The following MAP4 variants were observed in gnomAD, a reference collection of about 807,000 sequenced individuals.
The protein encoded by MAP4 is microtubule associated protein 4.
Under a neutral mutation model 170.2 loss-of-function variants are expected in MAP4, and 76 were observed. The observed-to-expected ratio is 0.45, with a 90% CI of 0.37 to 0.54. MAP4 has a LOEUF of 0.54. Ranked by LOEUF, MAP4 falls within the 20% of genes least tolerant of loss-of-function variation. The pLI is 0.00. For missense variants in MAP4, 2,506 were observed against 2,748.0 expected (o/e 0.91, Z 1.97); for synonymous variants, 909 against 994.5 (o/e 0.91, Z 1.62).
At chr3:47,989,978 C>T (rs1222400924) in intron 2 of MAP4, among the ~76,000 whole-genome samples, 1 of 152,078 alleles carries the variant, frequency 6.6e-6, no homozygotes, top group East Asian at 1.9e-4. Flanking sequence ...TTGATTCCCT[C>T]TCCCCAGGAG....
intron 3 of MAP4, among the ~76,000 whole-genome samples, chr3:47,950,518 G>A (rs1443010581): frequency 1.3e-5 from 2 of 152,064 alleles, no homozygotes; most frequent in Admixed American, 6.6e-5. Flanking sequence ...CATATAGCTG[G>A]AGGTGGCTCT....
intron 1 of MAP4, among the ~76,000 whole-genome samples, chr3:48,073,214 T>G (rs2100141859): frequency 6.9e-6 from 1 of 145,962 alleles, no homozygotes; most frequent in African/African-American, 2.5e-5. Flanking sequence ...TCTCAAAAAA[T>G]AATCATAATT....
Position 47,998,728 on chromosome 3 carries a change from T to G in MAP4, c.133A>C (p.Thr45Pro). The G allele has an allele frequency of 6.2e-7, 1 of 1,614,110 alleles. No homozygotes were observed. Among genetic ancestry groups the G allele is most frequent in the Non-Finnish European group, 8.5e-7 (1 of 1,179,986 alleles). Reference sequence around the variant, plus strand: ...ACATCCAGGAGAGGAATATAGTCTGTTTTTCCAACAGTTTCTCCCACAACA... The same window carrying G: ...ACATCCAGGAGAGGAATATAGTCTGGTTTTCCAACAGTTTCTCCCACAACA... Reference protein sequence around the residue: ...DDVVGETVGKTDYIPLLDVDE... With the variant: ...DDVVGETVGKPDYIPLLDVDE... The change falls in exon 2 of 21, where the codon ACA becomes CCA. Residue 45 changes from threonine (T) to proline (P), a missense_variant. By Grantham distance (38) the Thr-to-Pro change is conservative (BLOSUM62 -1). Transcript: ENST00000683076.
In MAP4 at chr3:48,057,513, T is replaced by A. The variant is rs1464662604; in HGVS notation, c.-20+31260A>T. Among the ~76,000 whole-genome samples the A allele has an allele frequency of 5.9e-5, 8 of 134,782 alleles. No individual in the cohort carries two copies. The East Asian group carries it at 6.4e-4, about 11-fold the overall frequency. 88.4% of individuals were successfully genotyped at this position (134,782 alleles called of 152,430 possible). On this transcript the variant is annotated intron_variant, in intron 1 of 18. Transcript: ENST00000360240. ...CCTCTGCCTAGGAAAACCAGAGACCTTTGTTCACTTGTTTATCTGCTGACC... is the reference window on the plus strand; with the variant it reads ...CCTCTGCCTAGGAAAACCAGAGACCATTGTTCACTTGTTTATCTGCTGACC...
chr3:47,861,353 CTT>C (rs35553466), intron 17 of MAP4, among the ~76,000 whole-genome samples: 23 of 132,236 alleles, frequency 1.7e-4, no homozygotes, highest in Admixed American at 3.8e-4. Context: ...GAGACTCCGT[CTT>C]TTTTTTTTTT....
chr3:47,857,605 G>A (rs1576622284), intron 17 of MAP4, 93 bp from the exon 18 acceptor site: 1 of 828,456 alleles, frequency 1.2e-6, no homozygotes, highest in East Asian at 2.6e-5. Flanking sequence ...CATGTTCAGG[G>A]TTTCTCGCTC....
intron 3 of MAP4, among the ~76,000 whole-genome samples, chr3:47,946,505 T>A (rs1277755626): frequency 6.7e-6 from 1 of 149,174 alleles, no homozygotes; most frequent in Non-Finnish European, 1.5e-5. Context: ...AATACAAAAA[T>A]TAGCCGGGTG....
chr3:47,854,843 C>T (rs914617813), intron 19 of MAP4, among the ~76,000 whole-genome samples: 2 of 152,216 alleles, frequency 1.3e-5, no homozygotes, highest in Non-Finnish European at 2.9e-5. Context: ...TGCTCCTAAC[C>T]CAGGAGCGGA....
intron 16 of MAP4, among the ~76,000 whole-genome samples, chr3:47,867,598 G>A (rs2082805829): frequency 6.6e-6 from 1 of 152,230 alleles, no homozygotes; most frequent in Non-Finnish European, 1.5e-5. Flanking sequence ...GGTCATCACC[G>A]CTCCTTTGGG....
rs772139792 is a variant in MAP4, at chr3:47,910,340, T to G, written c.4081A>C (p.Lys1361Gln). 2 of 1,543,330 alleles carry G rather than the reference T, an allele frequency of 1.3e-6. No homozygotes were observed. Among genetic ancestry groups the G allele is most frequent in the East Asian group, 2.4e-5 (1 of 42,034 alleles). The change falls in exon 9 of 21, where the codon AAA becomes CAA. Residue 1361 changes from lysine (K) to glutamine (Q), a missense_variant. Coordinates refer to ENST00000683076, the MANE Select transcript of MAP4 (RefSeq NM_001385682.1). ...RYTAVADKPS[K>Q]RSNDGKSKKV... ...TTACTTTTTCCATCATTACTCCTTT[T>G]ACTTGGTTTGTCAGCCACTGCAGTG... is the stretch of plus-strand genomic sequence containing the variant.
rs370908438 is a variant in MAP4 at position 47,933,096 on chromosome 3, A to C, written c.293-4746T>G. On this transcript the variant is annotated intron_variant, in intron 3 of 20. Coordinates refer to ENST00000683076, the MANE Select transcript of MAP4 (RefSeq NM_001385682.1). ...TTTTTTTTAATTTTTGTAGAGAAGA[A>C]TCTCAAAAGCATTATGCTAAGTGAG... Among the ~76,000 whole-genome samples, 14 of 152,034 alleles carry C rather than the reference A, an allele frequency of 9.2e-5. No homozygotes were observed. In the East Asian group the frequency reaches 2.1e-3, roughly 23 times the overall value.
intron 3 of MAP4, among the ~76,000 whole-genome samples, chr3:47,948,231 T>C (rs1462566635): frequency 1.3e-5 from 2 of 151,064 alleles, no homozygotes; most frequent in Non-Finnish European, 3.0e-5. Context: ...TATTCTTTTT[T>C]TTTTTTTTTT....
intron 1 of MAP4, among the ~76,000 whole-genome samples, chr3:48,073,899 C>T (rs1249657423): frequency 3.0e-4 from 46 of 152,176 alleles, no homozygotes; most frequent in East Asian, 1.9e-4. Flanking sequence ...TACAGTGTGG[C>T]GATTCCTCAA....
chr3:48,024,093 T>C (rs955577351), intron 1 of MAP4, among the ~76,000 whole-genome samples: 2 of 152,134 alleles, frequency 1.3e-5, no homozygotes, highest in East Asian at 1.9e-4. Context: ...AGGTGGATCA[T>C]GAGGTCAAGA....
intron 1 of MAP4, among the ~76,000 whole-genome samples, chr3:48,080,403 A>G (rs1314878779): frequency 6.6e-6 from 1 of 152,224 alleles, no homozygotes; most frequent in African/African-American, 2.4e-5. Flanking sequence ...TTTGCTCTCA[A>G]TACTGCTGAA....
chr3:47,986,343 T>A (rs2100088672), intron 2 of MAP4, among the ~76,000 whole-genome samples: 3 of 151,796 alleles, frequency 2.0e-5, no homozygotes, highest in Admixed American at 6.6e-5. Flanking sequence ...TTTTGGGGGG[T>A]TTTTTTGTAT....
At chr3:48,023,112 A>G (rs1559808881) in intron 1 of MAP4, among the ~76,000 whole-genome samples, 1 of 152,218 alleles carries the variant, frequency 6.6e-6, no homozygotes, top group Non-Finnish European at 1.5e-5. Flanking sequence ...TCCATAGTGT[A>G]ATTTAAAAAG....
At chr3:48,074,676 T>TTTTGTGTGTGTATG (rs746281743) in intron 1 of MAP4, among the ~76,000 whole-genome samples, 1 of 90,640 alleles carries the variant, frequency 1.1e-5, no homozygotes, top group African/African-American at 4.9e-5. Flanking sequence ...ATCCAGCTAA[T>TTTTGTGTGTGTATG]TGTGTGTGTG....
intron 3 of MAP4, among the ~76,000 whole-genome samples, chr3:47,956,353 T>C (rs377035055): frequency 6.6e-6 from 1 of 152,140 alleles, no homozygotes; most frequent in Non-Finnish European, 1.5e-5. Context: ...GGTTTACACA[T>C]AGCTCTGCAC....
Sources: allele counts gnomAD v4.1 joint callset (sites outside exome capture counted in the v4.1 genomes callset), GRCh38; gene constraint gnomAD v4.1.1; transcripts MANE v1.5; gene names NCBI Gene and HGNC (gene_info 2026-07-23, HGNC 2026-07-21).